The following STXBP5L variants were observed in gnomAD, a reference collection of about 807,000 sequenced individuals.
STXBP5L encodes the protein syntaxin binding protein 5L.
Under a neutral mutation model 144.5 loss-of-function variants are expected in STXBP5L, and 65 were observed. The ratio of observed to expected loss-of-function variants is 0.45; its 90% confidence interval spans 0.37 to 0.55. The LOEUF (loss-of-function observed/expected upper bound fraction) is 0.55, where lower values mean the gene tolerates loss of function less well. Ranked by LOEUF, STXBP5L falls within the 20% of genes least tolerant of loss-of-function variation. The pLI is 0.00. For synonymous variants in STXBP5L, 505 were observed against 469.6 expected (o/e 1.08, Z -0.97); for missense variants, 1,298 against 1,405.5 (o/e 0.92, Z 1.22).
intron 18 of STXBP5L, among the ~76,000 whole-genome samples, chr3:121,273,074 A>G (rs986430533): frequency 1.3e-5 from 2 of 152,068 alleles, no homozygotes; most frequent in Non-Finnish European, 2.9e-5. Context: ...AATATTGTGA[A>G]TTTAACTATA....
rs1047093345 is a variant in STXBP5L at position 121,257,201 on chromosome 3, T to C, written c.1700T>C (p.Ile567Thr). The C allele has an allele frequency of 1.1e-5, 18 of 1,613,398 alleles. No homozygotes were observed. Among genetic ancestry groups the C allele is most frequent in the Admixed American group, 1.7e-5 (1 of 59,982 alleles). ...VRLQYDVEDIITPEPETSPPF... is the reference protein window; with the variant it reads ...VRLQYDVEDITTPEPETSPPF... Reference sequence around the variant, plus strand: ...CTTCAGTATGATGTTGAAGATATTATTACCCCTGAACCAGAAACAAGTCCT... The same window carrying C: ...CTTCAGTATGATGTTGAAGATATTACTACCCCTGAACCAGAAACAAGTCCT... The change falls in exon 17 of 27, where the codon ATT becomes ACT. Residue 567 changes from isoleucine (I) to threonine (T), a missense_variant. Physicochemically the swap from Ile to Thr is moderately conservative, Grantham distance 89. Coordinates refer to ENST00000471454, the MANE Select transcript of STXBP5L (RefSeq NM_001308330.2).
chr3:121,003,427 A>T (rs1255750459), intron 3 of STXBP5L, among the ~76,000 whole-genome samples: 2 of 152,046 alleles, frequency 1.3e-5, no homozygotes. Flanking sequence ...ATTTTGTTTG[A>T]GTTCATTGTA....
intron 3 of STXBP5L, among the ~76,000 whole-genome samples, chr3:121,030,675 TA>T (rs1946303250): frequency 1.3e-5 from 2 of 152,132 alleles, no homozygotes; most frequent in East Asian, 3.9e-4. Context: ...ACTTAAAGTA[TA>T]AAAAACATAT....
At chr3:120,936,348 C>T (rs564649270) in intron 2 of STXBP5L, among the ~76,000 whole-genome samples, 14 of 152,130 alleles carry the variant, frequency 9.2e-5, no homozygotes, top group African/African-American at 2.9e-4. Flanking sequence ...CTTGCTGTCT[C>T]TACAAACTGT....
At chr3:121,417,999 A>C (rs1482322381) in intron 25 of STXBP5L, among the ~76,000 whole-genome samples, 1 of 152,202 alleles carries the variant, frequency 6.6e-6, no homozygotes, top group South Asian at 2.1e-4. Context: ...TAAGCAAATG[A>C]TCAGGCCTAA....
rs904457041 is a variant in STXBP5L at position 121,352,705 on chromosome 3, C to T, written c.2177-26011C>T. ...TCTTGCCTGATTGCCCTGGCCAGAA[C>T]TTCCAACATTATGTTAAATAGGAGT... On this transcript the variant is annotated intron_variant, in intron 20 of 26. Coordinates refer to ENST00000471454, the MANE Select transcript of STXBP5L (RefSeq NM_001308330.2). Among the ~76,000 whole-genome samples, 3 of 152,148 alleles carry T rather than the reference C, an allele frequency of 2.0e-5. No homozygotes were observed. In the East Asian group the frequency reaches 5.8e-4, roughly 29 times the overall value.
chr3:121,248,516 A>G (rs567938897), intron 14 of STXBP5L, among the ~76,000 whole-genome samples: 26 of 152,156 alleles, frequency 1.7e-4, no homozygotes, highest in African/African-American at 4.8e-4. Flanking sequence ...GGTTTGTTCA[A>G]GTTCCTCATG....
Position 121,413,285 on chromosome 3 carries a change from C to T in STXBP5L, c.3076C>T (p.Arg1026Trp), listed in dbSNP as rs202129881. The stretch of plus-strand genomic sequence containing the variant: ...CCTCGTCTCTCCTACTGAAATTCAG[C>T]GGTTAACATACAGCCAAGAAATGTG... ...LYLVSPTEIQ[R>W]LTYSQEMCDN... The change falls in exon 24 of 27, where the codon CGG becomes TGG. Residue 1026 changes from arginine to tryptophan, a missense_variant. Coordinates refer to ENST00000471454, the MANE Select transcript of STXBP5L (RefSeq NM_001308330.2). The T allele has an allele frequency of 7.5e-6, 12 of 1,593,540 alleles. No individual in the cohort carries two copies. The highest frequency in any genetic ancestry group is 1.4e-5 in the African/African-American group (1 of 73,906).
chr3:121,281,842 C>A (rs1253501547), intron 19 of STXBP5L, among the ~76,000 whole-genome samples: 1 of 151,734 alleles, frequency 6.6e-6, no homozygotes, highest in Non-Finnish European at 1.5e-5. Flanking sequence ...AGACTGAAAT[C>A]TTTAGCTTTC....
chr3:121,359,550 C>A (rs1251455578), intron 20 of STXBP5L, among the ~76,000 whole-genome samples: 1 of 151,830 alleles, frequency 6.6e-6, no homozygotes, highest in African/African-American at 2.4e-5. Flanking sequence ...AGAGATATAC[C>A]CCAATCTTGT....
intron 5 of STXBP5L, among the ~76,000 whole-genome samples, chr3:121,093,761 C>G (rs955604535): frequency 6.6e-6 from 1 of 152,086 alleles, no homozygotes; most frequent in African/African-American, 2.4e-5. Flanking sequence ...TTTTTTGTGT[C>G]TCTATTTCCT....
intron 5 of STXBP5L, among the ~76,000 whole-genome samples, chr3:121,104,783 C>A (rs2043610772): frequency 6.6e-6 from 1 of 152,086 alleles, no homozygotes; most frequent in African/African-American, 2.4e-5. Context: ...CACCTGAAAC[C>A]ACAAAAATCC....
intron 2 of STXBP5L, among the ~76,000 whole-genome samples, chr3:120,948,918 A>G (rs1263240662): frequency 1.3e-5 from 2 of 151,686 alleles, no homozygotes; most frequent in Non-Finnish European, 2.9e-5. Flanking sequence ...TTCTGAGTAG[A>G]TATCCAATGG....
chr3:121,393,941 T>A (rs2046659939), intron 22 of STXBP5L, among the ~76,000 whole-genome samples: 1 of 152,200 alleles, frequency 6.6e-6, no homozygotes, highest in South Asian at 2.1e-4. Flanking sequence ...ATTTTAGAAT[T>A]ATTTTTTCTA....
intron 5 of STXBP5L, among the ~76,000 whole-genome samples, chr3:121,047,392 A>G (rs1335953028): frequency 6.6e-6 from 1 of 151,920 alleles, no homozygotes; most frequent in South Asian, 2.1e-4. Flanking sequence ...TTAAGTTTAG[A>G]TCCTGAAAAT....
chr3:121,031,099 G>T (rs1294581806), intron 3 of STXBP5L, among the ~76,000 whole-genome samples: 1 of 152,102 alleles, frequency 6.6e-6, no homozygotes, highest in Non-Finnish European at 1.5e-5. Flanking sequence ...TGAAAGATAA[G>T]CAGCAAGCAG....
At chr3:121,145,601 C>A (rs1345884079) in intron 7 of STXBP5L, among the ~76,000 whole-genome samples, 2 of 151,626 alleles carry the variant, frequency 1.3e-5, no homozygotes, top group African/African-American at 4.8e-5. Flanking sequence ...TATATAAGAA[C>A]AGAGATGAAG....
chr3:121,133,060 C>A (rs1025458802), intron 7 of STXBP5L, among the ~76,000 whole-genome samples: 1 of 152,052 alleles, frequency 6.6e-6, no homozygotes, highest in African/African-American at 2.4e-5. Context: ...TATCAAGGAC[C>A]AGAAGGCTTA....
chr3:121,040,315 C>T (rs2107545350), intron 3 of STXBP5L, among the ~76,000 whole-genome samples: 1 of 152,188 alleles, frequency 6.6e-6, no homozygotes, highest in African/African-American at 2.4e-5. Context: ...AGAACCAGAG[C>T]AGTCTTTATC....
Sources: gnomAD v4.1 joint callset for allele counts (sites outside exome capture counted in the v4.1 genomes callset) on GRCh38, gnomAD v4.1.1 for gene constraint, MANE v1.5 for transcripts, NCBI Gene and HGNC (gene_info 2026-07-23, HGNC 2026-07-21) for gene names.